The following CNTN4 variants were observed in gnomAD, a reference collection of about 807,000 sequenced individuals.
CNTN4 encodes the protein contactin-4.
A neutral mutation model predicts 122.5 loss-of-function variants in CNTN4; 77 were observed. The ratio of observed to expected loss-of-function variants is 0.63; its 90% CI spans 0.52 to 0.76. CNTN4 has a LOEUF of 0.76. Among genes scored for constraint, CNTN4 ranks in the 30% least tolerant of loss-of-function variants. The probability of loss-of-function intolerance (pLI) is 0.00; values close to 1 mark genes in which losing one functional copy is unlikely to be tolerated. For synonymous variants in CNTN4, 512 were observed against 447.0 expected, an observed-to-expected ratio of 1.15 and a Z score of -1.83; for missense variants, 1,256 against 1,259.1, an observed-to-expected ratio of 1.00 and a Z score of 0.04.
chr3:2,182,935 C>G (rs9827746), intron 2 of CNTN4, among the ~76,000 whole-genome samples: 68,602 of 151,356 alleles, frequency 0.45, 16,731 homozygotes, highest in Non-Finnish European at 0.56. Flanking sequence ...TGCTTTTGGT[C>G]TTCACAAATA....
chr3:2,866,439 A>G (rs2093724622), intron 7 of CNTN4: 1 of 1,211,404 alleles, frequency 8.3e-7, no homozygotes, highest in Non-Finnish European at 1.0e-6. Context: ...TACTCAATAC[A>G]TGTTACATAG....
intron 2 of CNTN4, among the ~76,000 whole-genome samples, chr3:2,104,116 C>T (rs1030179698): frequency 1.3e-5 from 2 of 151,994 alleles, no homozygotes; most frequent in East Asian, 1.9e-4. Context: ...TTCCCAGAAG[C>T]CCCTGTTCAT....
chr3:2,102,456 C>T (rs2032055987), intron 2 of CNTN4, among the ~76,000 whole-genome samples: 1 of 152,118 alleles, frequency 6.6e-6, no homozygotes, highest in Non-Finnish European at 1.5e-5. Context: ...TTTAGATTGG[C>T]TCTTTAGCAG....
chr3:3,015,892 A>G (rs1287108930), intron 14 of CNTN4, among the ~76,000 whole-genome samples: 1 of 152,176 alleles, frequency 6.6e-6, no homozygotes, highest in African/African-American at 2.4e-5. Flanking sequence ...GCAATCACAC[A>G]TTCCTTTAAT....
chr3:2,213,436 A>G (rs1304893284), intron 2 of CNTN4, among the ~76,000 whole-genome samples: 4 of 152,248 alleles, frequency 2.6e-5, no homozygotes, highest in Non-Finnish European at 5.9e-5. Context: ...TCTAATTACC[A>G]TTCAGTGAAT....
chr3:2,297,112 T>A (rs2042342334), intron 2 of CNTN4, among the ~76,000 whole-genome samples: 1 of 152,180 alleles, frequency 6.6e-6, no homozygotes, highest in Non-Finnish European at 1.5e-5. Context: ...TTCTGCAATA[T>A]AAATTCAGTT....
At position 2,841,054 on chromosome 3, in the gene CNTN4, A is replaced by G. The variant is rs1429628905; in HGVS notation, c.454+21473A>G. 6.6e-6 allele frequency among the ~76,000 whole-genome samples: 1 copy of G among 152,180 alleles called. No individual in the cohort carries two copies. The highest frequency in any genetic ancestry group is 2.4e-5 in the African/African-American group (1 of 41,442). ...TATCATATGAAATCAAAGAGTGAGG[A>G]AAAAAGTCAAGGATCTTCAAAATCA... On this transcript the variant is annotated intron_variant, in intron 7 of 24. Coordinates refer to ENST00000418658, the MANE Select transcript of CNTN4 (RefSeq NM_175607.3). This position sits in a 1 kb window ranked among gnomAD's most constrained non-coding sequence, Gnocchi z 4.8.
chr3:3,053,678 A>G, intron 23 of CNTN4, 129 bp from the exon 24 acceptor site: 1 of 862,616 alleles, frequency 1.2e-6, no homozygotes, highest in Non-Finnish European at 2.0e-6. Flanking sequence ...TTCCAAATGC[A>G]AGTGGGCAGC....
chr3:2,955,691 A>T (rs1293165304), intron 13 of CNTN4, among the ~76,000 whole-genome samples: 1 of 152,200 alleles, frequency 6.6e-6, no homozygotes, highest in Non-Finnish European at 1.5e-5. Context: ...AGTGGAGCCT[A>T]CTAATATCTC....
intron 4 of CNTN4, among the ~76,000 whole-genome samples, chr3:2,634,688 AT>A (rs372999934): frequency 0.13 from 11,763 of 89,206 alleles, 467 homozygotes; most frequent in South Asian, 0.15. Flanking sequence ...AAAAAAAAAA[AT>A]ATATATATAT....
intron 6 of CNTN4, among the ~76,000 whole-genome samples, chr3:2,787,818 C>G (rs1372689710): frequency 7.0e-6 from 1 of 142,288 alleles, no homozygotes; most frequent in Non-Finnish European, 1.5e-5. Context: ...GAGGCAGGGT[C>G]TTGCTCTGTT....
At chr3:3,003,025 G>A (rs1696206948) in intron 14 of CNTN4, among the ~76,000 whole-genome samples, 2 of 152,150 alleles carry the variant, frequency 1.3e-5, no homozygotes, top group South Asian at 4.1e-4. Flanking sequence ...GTCAAAATGT[G>A]ATGATCTTGC....
At chr3:2,207,171 C>T (rs922936067) in intron 2 of CNTN4, among the ~76,000 whole-genome samples, 6 of 151,930 alleles carry the variant, frequency 3.9e-5, no homozygotes, top group Admixed American at 6.6e-5. Context: ...AGCTACCAGC[C>T]GTTCCTAGTC....
chr3:2,728,445 T>C (rs555518428), intron 4 of CNTN4, among the ~76,000 whole-genome samples: 4 of 152,284 alleles, frequency 2.6e-5, no homozygotes, highest in African/African-American at 9.6e-5. Context: ...GGTTCCCCCT[T>C]GGTGTGAGTG....
intron 4 of CNTN4, among the ~76,000 whole-genome samples, chr3:2,667,757 T>C (rs1477747901): frequency 7.1e-6 from 1 of 140,480 alleles, no homozygotes; most frequent in Non-Finnish European, 1.5e-5. Context: ...CCATCTTGAA[T>C]TGATTTTTGT....
intron 4 of CNTN4, among the ~76,000 whole-genome samples, chr3:2,575,809 C>CTTTTTTTTT (rs56303805): frequency 1.7e-4 from 17 of 101,250 alleles, no homozygotes; most frequent in African/African-American, 6.0e-4. Context: ...TCTTCTTCTT[C>CTTTTTTTTT]TTTTTTTTTT....
At chr3:2,856,324 T>A (rs2093617532) in intron 7 of CNTN4, among the ~76,000 whole-genome samples, 1 of 152,192 alleles carries the variant, frequency 6.6e-6, no homozygotes, top group African/African-American at 2.4e-5. Context: ...AACAAACACT[T>A]ATTTTGTTGT....
intron 2 of CNTN4, among the ~76,000 whole-genome samples, chr3:2,264,392 A>G (rs1217798643): frequency 6.6e-6 from 1 of 151,862 alleles, no homozygotes; most frequent in African/African-American, 2.4e-5. Flanking sequence ...TTTGTAATAT[A>G]CCCATTGGCC....
intron 13 of CNTN4, among the ~76,000 whole-genome samples, chr3:2,978,358 A>C (rs1693624894): frequency 6.6e-6 from 1 of 152,144 alleles, no homozygotes. Context: ...GTTTAAAGTC[A>C]GGGTTCACAG....
Sources: allele counts gnomAD v4.1 joint callset (sites outside exome capture counted in the v4.1 genomes callset), GRCh38; gene constraint gnomAD v4.1.1; non-coding constraint Gnocchi (gnomAD v3.1); transcripts MANE v1.5; gene names NCBI Gene and HGNC (gene_info 2026-07-23, HGNC 2026-07-21).